MLXIPL: variants seen among roughly 807,000 people sequenced by gnomAD.
MLXIPL encodes MLX interacting protein like, also known as carbohydrate-responsive element-binding protein.
A neutral mutation model predicts 81.5 loss-of-function variants in MLXIPL; 49 were observed. That is an observed-to-expected ratio of 0.60 (90% CI 0.48 to 0.76). The LOEUF (loss-of-function observed/expected upper bound fraction) is 0.76, where lower values mean the gene tolerates loss of function less well. MLXIPL is among the 30% of genes least tolerant of loss of function. The pLI, the probability that MLXIPL is intolerant of heterozygous loss-of-function variation, is 0.00. For synonymous variants in MLXIPL, 466 were observed against 485.5 expected, an observed-to-expected ratio of 0.96 and a Z score of 0.53; for missense variants, 1,053 against 1,167.0, an observed-to-expected ratio of 0.90 and a Z score of 1.42.
chr7:73,626,881 G>A (rs1796763733), upstream of MLXIPL, among the ~76,000 whole-genome samples: 1 of 152,160 alleles, frequency 6.6e-6, no homozygotes, highest in Admixed American at 6.6e-5. Flanking sequence ...GGCAGCCTTG[G>A]AAAAGGTTGA....
upstream of MLXIPL, chr7:73,624,585 C>G: frequency 2.8e-6 from 4 of 1,428,078 alleles, no homozygotes; most frequent in South Asian, 5.9e-5. Context: ...GCCCCGCCCC[C>G]ACACCATAGG....
chr7:73,620,627 C>T (rs1554601759), intron 1 of MLXIPL, among the ~76,000 whole-genome samples: 1 of 149,072 alleles, frequency 6.7e-6, no homozygotes, highest in African/African-American at 2.5e-5. Flanking sequence ...CCTGTAATCC[C>T]AGCTACTCAG....
chr7:73,638,618 T>C, the MLXIPL span, among the ~76,000 whole-genome samples: 1 of 150,262 alleles, frequency 6.7e-6, no homozygotes, highest in Admixed American at 6.6e-5. Context: ...AGTACTTTTG[T>C]TTGTTTGTTT....
Position 73,605,957 on chromosome 7 carries a change from G to A in MLXIPL, c.773C>T (p.Thr258Ile), listed in dbSNP as rs1554597901. 1.3e-6 allele frequency: 2 copies of A among 1,596,768 alleles called. No homozygotes were observed. Among genetic ancestry groups the A allele is most frequent in the South Asian group, 1.1e-5 (1 of 88,258 alleles). ...GGGCGAAGGGCCGGACTGAGTCATG[G>A]TGAAGAGAGTGTCTGAGATGTCGGA... ...FLSDISDTLF[T>I]MTQSGPSPLQ... is the part of the protein sequence containing the mutation. The change falls in exon 6 of 17, where the codon ACC becomes ATC. Residue 258 changes from threonine (T) to isoleucine (I), a missense_variant. Thr to Ile is a moderately conservative substitution (Grantham distance 89). Coordinates refer to ENST00000313375, the MANE Select transcript of MLXIPL (RefSeq NM_032951.3).
In MLXIPL at chr7:73,623,208, GCA is replaced by G. The variant is rs1584159565; in HGVS notation, c.293+990_293+991del. On this transcript the variant is annotated intron_variant, in intron 1 of 16. Coordinates refer to ENST00000313375, the MANE Select transcript of MLXIPL (RefSeq NM_032951.3). The surrounding 1 kb of genome is among the most constrained non-coding windows in gnomAD (Gnocchi z 5.7). Reference sequence around the variant, plus strand: ...CCAGCTCCTGCTCCCCCGCAGGGCGGCAGGTGCCGATCTGTAGCCAGCGGTTC... The same window carrying G: ...CCAGCTCCTGCTCCCCCGCAGGGCGGGGTGCCGATCTGTAGCCAGCGGTTC... Among the ~76,000 whole-genome samples, 1 of 152,246 alleles carries G rather than the reference GCA, an allele frequency of 6.6e-6. No homozygotes were observed. The highest frequency in any genetic ancestry group is 1.9e-4 in the East Asian group (1 of 5,198).
At chr7:73,616,251 C>A in intron 1 of MLXIPL, 74 bp from the exon 2 acceptor site, 4 of 1,280,346 alleles carry the variant, frequency 3.1e-6, no homozygotes, top group Non-Finnish European at 4.5e-6. Context: ...ATTCCCCATG[C>A]ACTAGGCATC....
intron 1 of MLXIPL, among the ~76,000 whole-genome samples, chr7:73,617,486 C>T (rs1796072581): frequency 6.6e-6 from 1 of 152,122 alleles, no homozygotes; most frequent in Admixed American, 6.6e-5. Flanking sequence ...AGGAAGGCCG[C>T]TAGGATGAGC....
At chr7:73,641,112 G>A in the MLXIPL span, among the ~76,000 whole-genome samples, 5 of 152,198 alleles carry the variant, frequency 3.3e-5, no homozygotes, top group East Asian at 7.7e-4. Context: ...GACCAGCCTG[G>A]GTGACATGGC....
chr7:73,597,697 G>A lies in MLXIPL; in HGVS notation c.1088C>T (p.Pro363Leu). 5 of 1,359,480 alleles carry A rather than the reference G, an allele frequency of 3.7e-6. No individual in the cohort carries two copies. The highest frequency in any genetic ancestry group is 4.7e-6 in the Non-Finnish European group (5 of 1,059,770). 84.2% of individuals were successfully genotyped at this position (1,359,480 alleles called of 1,614,324 possible). The stretch of plus-strand genomic sequence containing the variant: ...GAAGGCGCTGGAGTCCAAGGGGCCA[G>A]GGCAGCTGTTCCGAGCCTGGTTGGG... ...HSRLQARNSC[P>L]GPLDSSAFLS... The change falls in exon 9 of 17, where the codon CCT becomes CTT. Residue 363 changes from proline (P) to leucine (L), a missense_variant. By Grantham distance (98) the Pro-to-Leu change is moderately conservative. Transcript: ENST00000313375.
In MLXIPL at chr7:73,597,360, T is replaced by G. The variant is rs2116201608; in HGVS notation, c.1425A>C (p.Leu475=). The G allele has an allele frequency of 7.0e-7, 1 of 1,438,592 alleles. No homozygotes were observed. Among genetic ancestry groups the G allele is most frequent in the African/African-American group, 1.6e-5 (1 of 60,794 alleles). 89.1% of individuals were successfully genotyped at this position (1,438,592 alleles called of 1,614,324 possible). A position where few individuals can be genotyped will look rare whatever the true frequency, so the allele number is the denominator to read the frequency against. The part of the protein sequence containing the change: ...PAPTPFPIEL[L]PLGYSEPAFG... The stretch of plus-strand genomic sequence containing the variant: ...AGGCAGGCTCCGAATACCCCAAGGG[T>G]AGAAGCTCTATGGGGAAGGGGGTGG... The change falls in exon 9 of 17, where the codon CTA becomes CTC. Residue 475 remains leucine, a synonymous_variant. Transcript: ENST00000313375.
At chr7:73,614,480 C>T (rs1336097104) in intron 2 of MLXIPL, among the ~76,000 whole-genome samples, 4 of 152,200 alleles carry the variant, frequency 2.6e-5, no homozygotes, top group Admixed American at 2.0e-4. Context: ...CACACCCTCT[C>T]CCTGCTTGGA....
intron 7 of MLXIPL, among the ~76,000 whole-genome samples, chr7:73,603,504 C>T (rs914420907): frequency 5.3e-5 from 8 of 152,328 alleles, no homozygotes; most frequent in Middle Eastern, 3.4e-3. Flanking sequence ...CACCCCCTCC[C>T]GGGACTGGAA....
chr7:73,594,900 C>T (rs1416927888), intron 15 of MLXIPL, among the ~76,000 whole-genome samples: 1 of 145,010 alleles, frequency 6.9e-6, no homozygotes, highest in African/African-American at 2.6e-5. Context: ...GGCTGGAATG[C>T]AGTGGCACAA....
At chr7:73,617,937 C>T (rs1023330983) in intron 1 of MLXIPL, among the ~76,000 whole-genome samples, 1 of 152,148 alleles carries the variant, frequency 6.6e-6, no homozygotes, top group Non-Finnish European at 1.5e-5. Flanking sequence ...GAAGCTGAGC[C>T]AGGAGGCCAA....
At chr7:73,598,798 T>TA (rs1242944855) in intron 8 of MLXIPL, among the ~76,000 whole-genome samples, 1 of 151,890 alleles carries the variant, frequency 6.6e-6, no homozygotes, top group Admixed American at 6.6e-5. Context: ...AAAAGGCCTA[T>TA]AACCAAGCAG....
the MLXIPL span, among the ~76,000 whole-genome samples, chr7:73,633,176 G>A: frequency 2.7e-5 from 4 of 149,390 alleles, no homozygotes; most frequent in East Asian, 3.9e-4. Context: ...CACCTCCCAG[G>A]TTCATGCCAT....
chr7:73,606,290 TC>T, intron 5 of MLXIPL, 179 bp from the exon 6 acceptor site: 1 of 658,178 alleles, frequency 1.5e-6, no homozygotes, highest in South Asian at 1.8e-5. Context: ...TCCATTGGCC[TC>T]TAAGAACTTC....
At position 73,624,505 on chromosome 7, in the gene MLXIPL, C is replaced by G; in HGVS notation, c.-13G>C. ...GCGCGCCGGCCATGGCTGTCGCCGC[C>G]GCAACCGCCTGGTCCCTGCTCCGCG... On this transcript the variant is annotated 5_prime_UTR_variant, in exon 1 of 17. Transcript: ENST00000313375. 6.6e-7 allele frequency: 1 copy of G among 1,524,078 alleles called. No individual in the cohort carries two copies. Among genetic ancestry groups the G allele is most frequent in the South Asian group, 1.2e-5 (1 of 82,752 alleles). 94.4% of individuals were successfully genotyped at this position (1,524,078 alleles called of 1,614,324 possible). A position where few individuals can be genotyped will look rare whatever the true frequency, so the allele number is the denominator to read the frequency against.
chr7:73,615,262 C>T (rs976237183), intron 2 of MLXIPL, among the ~76,000 whole-genome samples: 1 of 152,276 alleles, frequency 6.6e-6, no homozygotes, highest in African/African-American at 2.4e-5. Flanking sequence ...TCTGGATCCC[C>T]TCTGCCCAAT....
Sources: gnomAD v4.1 joint callset for allele counts (sites outside exome capture counted in the v4.1 genomes callset) on GRCh38, gnomAD v4.1.1 for gene constraint, Gnocchi (gnomAD v3.1) non-coding constraint, MANE v1.5 for transcripts, NCBI Gene and HGNC (gene_info 2026-07-23, HGNC 2026-07-21) for gene names.